The following LRRC4C variants were observed in gnomAD, a reference collection of about 807,000 sequenced individuals.
LRRC4C encodes leucine-rich repeat-containing protein 4C.
In LRRC4C, 5 loss-of-function variants were observed where a neutral mutation model predicts 33.6. The observed-to-expected ratio is 0.15, with a 90% CI of 0.08 to 0.31. The LOEUF is 0.31. LRRC4C is among the 10% of genes least tolerant of loss of function. The probability of loss-of-function intolerance (pLI) is 1.00; values close to 1 mark genes in which losing one functional copy is unlikely to be tolerated. For missense variants in LRRC4C, 560 were observed against 796.7 expected, an observed-to-expected ratio of 0.70 and a Z score of 3.58; for synonymous variants, 329 against 302.0, an observed-to-expected ratio of 1.09 and a Z score of -0.93.
intron 2 of LRRC4C, among the ~76,000 whole-genome samples, chr11:40,777,879 A>T (rs1230047419): frequency 6.6e-6 from 1 of 151,772 alleles, no homozygotes; most frequent in Admixed American, 6.6e-5. Context: ...TAATAGAGAC[A>T]GTGTTTCACC....
intron 1 of LRRC4C, among the ~76,000 whole-genome samples, chr11:41,414,692 G>C (rs915610852): frequency 6.6e-6 from 1 of 152,034 alleles, no homozygotes; most frequent in African/African-American, 2.4e-5. Flanking sequence ...ATAAAACCTG[G>C]GAGAGAAGTG....
chr11:41,043,702 G>A (rs1029901557), intron 1 of LRRC4C, among the ~76,000 whole-genome samples: 8 of 151,752 alleles, frequency 5.3e-5, no homozygotes, highest in Admixed American at 4.6e-4. Flanking sequence ...GAGCTATTGT[G>A]TCCACAGCTG....
intron 3 of LRRC4C, among the ~76,000 whole-genome samples, chr11:40,346,201 A>G (rs1026469438): frequency 1.9e-4 from 29 of 152,222 alleles, no homozygotes; most frequent in African/African-American, 6.5e-4. Flanking sequence ...ATTACTGCAT[A>G]TATACCCAAA....
chr11:40,197,273 T>G (rs1862339288), intron 5 of LRRC4C, among the ~76,000 whole-genome samples: 1 of 152,126 alleles, frequency 6.6e-6, no homozygotes, highest in African/African-American at 2.4e-5. Context: ...GCCTCCTTCA[T>G]TTACCTGCTT....
chr11:41,376,244 G>A (rs1351087693), intron 1 of LRRC4C, among the ~76,000 whole-genome samples: 3 of 152,118 alleles, frequency 2.0e-5, no homozygotes. Flanking sequence ...GGCCACAAGG[G>A]AGTGTGCTGA....
chr11:40,661,840 T>C (rs1329769234), intron 2 of LRRC4C, among the ~76,000 whole-genome samples: 1 of 152,218 alleles, frequency 6.6e-6, no homozygotes, highest in Admixed American at 6.5e-5. Flanking sequence ...ATGTGTCAAC[T>C]CTGCTACCTT....
chr11:40,171,755 C>G (rs987314733), intron 5 of LRRC4C, among the ~76,000 whole-genome samples: 1 of 152,076 alleles, frequency 6.6e-6, no homozygotes, highest in Non-Finnish European at 1.5e-5. Flanking sequence ...GGTTGCTATT[C>G]GTTATAGTAT....
chr11:41,067,536 C>T (rs926117773), intron 1 of LRRC4C, among the ~76,000 whole-genome samples: 2 of 152,176 alleles, frequency 1.3e-5, no homozygotes, highest in East Asian at 3.8e-4. Flanking sequence ...ATATTCAAGA[C>T]TTGAACTCAG....
chr11:41,410,792 T>C (rs1954445806), intron 1 of LRRC4C, among the ~76,000 whole-genome samples: 1 of 152,118 alleles, frequency 6.6e-6, no homozygotes, highest in Non-Finnish European at 1.5e-5. Context: ...AAATGATTAA[T>C]AGAATTAGAA....
At chr11:41,030,730 G>T (rs1482947445) in intron 1 of LRRC4C, among the ~76,000 whole-genome samples, 3 of 151,412 alleles carry the variant, frequency 2.0e-5, no homozygotes, top group Non-Finnish European at 4.4e-5. Context: ...AGTGTACTTG[G>T]AACAAAACCA....
chr11:40,949,372 A>G (rs1958582633), intron 1 of LRRC4C, among the ~76,000 whole-genome samples: 1 of 152,074 alleles, frequency 6.6e-6, no homozygotes, highest in Non-Finnish European at 1.5e-5. Context: ...CTTTAGTTTA[A>G]TTAGATCCCA....
chr11:40,591,295 C>T (rs1959046326), intron 3 of LRRC4C, among the ~76,000 whole-genome samples: 1 of 152,164 alleles, frequency 6.6e-6, no homozygotes, highest in Non-Finnish European at 1.5e-5. Context: ...TCCCTGACCC[C>T]TTGTGCTTCC....
At chr11:40,381,104 A>G (rs1218212714) in intron 3 of LRRC4C, among the ~76,000 whole-genome samples, 1 of 152,164 alleles carries the variant, frequency 6.6e-6, no homozygotes, top group Admixed American at 6.5e-5. Flanking sequence ...ATCTTATGGA[A>G]AATAACAAAC....
intron 1 of LRRC4C, among the ~76,000 whole-genome samples, chr11:40,986,505 T>A (rs1853012399): frequency 6.6e-6 from 1 of 151,968 alleles, no homozygotes; most frequent in Non-Finnish European, 1.5e-5. Context: ...AAGCTGAGGA[T>A]CACTTGAGTC....
intron 2 of LRRC4C, among the ~76,000 whole-genome samples, chr11:40,751,962 T>C (rs950388161): frequency 2.6e-5 from 4 of 152,086 alleles, no homozygotes; most frequent in Non-Finnish European, 5.9e-5. Flanking sequence ...TTATAGCCAA[T>C]TGATTTTTGA....
chr11:40,471,506 A>G (rs1163406477), intron 3 of LRRC4C, among the ~76,000 whole-genome samples: 2 of 152,194 alleles, frequency 1.3e-5, no homozygotes, highest in Non-Finnish European at 2.9e-5. Flanking sequence ...AGCTAGCATC[A>G]TAATGACAGG....
chr11:40,365,642 T>C (rs936691102), intron 3 of LRRC4C, among the ~76,000 whole-genome samples: 3 of 151,916 alleles, frequency 2.0e-5, no homozygotes, highest in African/African-American at 7.2e-5. Flanking sequence ...TTTTAAACAA[T>C]AGTATGTTAC....
chr11:41,449,288 T>C (rs1205302651), intron 1 of LRRC4C, among the ~76,000 whole-genome samples: 1 of 152,040 alleles, frequency 6.6e-6, no homozygotes, highest in Non-Finnish European at 1.5e-5. Context: ...GAGCTAAATA[T>C]GAAGTTGAAG....
chr11:40,256,674 C>A (rs1163730413), intron 4 of LRRC4C, among the ~76,000 whole-genome samples: 2 of 152,092 alleles, frequency 1.3e-5, no homozygotes, highest in African/African-American at 4.8e-5. Flanking sequence ...AAGGAAGATA[C>A]AATACCCCTT....
Sources: gnomAD v4.1 joint callset for allele counts (sites outside exome capture counted in the v4.1 genomes callset) on GRCh38, gnomAD v4.1.1 for gene constraint, MANE v1.5 for transcripts, NCBI Gene and HGNC (gene_info 2026-07-23, HGNC 2026-07-21) for gene names.